The following SLC16A1 variants were observed in gnomAD, a reference collection of about 807,000 sequenced individuals.
SLC16A1 encodes monocarboxylate transporter 1.
A neutral mutation model predicts 32.2 loss-of-function variants in SLC16A1; 11 were observed. The observed-to-expected ratio is 0.34, with a 90% CI of 0.21 to 0.56. The LOEUF is 0.56. SLC16A1 is among the 20% of genes least tolerant of loss of function. The pLI is 0.87. For synonymous variants in SLC16A1, 231 were observed against 226.8 expected (o/e 1.02, Z -0.17); for missense variants, 435 against 615.0 (o/e 0.71, Z 3.10).
chr1:112,944,506 T>C (rs1649626220), intron 1 of SLC16A1, among the ~76,000 whole-genome samples: 1 of 152,150 alleles, frequency 6.6e-6, no homozygotes, highest in Non-Finnish European at 1.5e-5. Flanking sequence ...TACATGTGTG[T>C]TATAGAAAAA....
chr1:112,920,125 T>C (rs769229780), intron 3 of SLC16A1, among the ~76,000 whole-genome samples: 9 of 152,136 alleles, frequency 5.9e-5, no homozygotes, highest in Admixed American at 5.9e-4. Flanking sequence ...TGGGAACAAA[T>C]AGAGTTATAT....
intron 3 of SLC16A1, among the ~76,000 whole-genome samples, 175 bp downstream of exon 3, chr1:112,921,815 C>G (rs1399417049): frequency 1.3e-5 from 2 of 152,146 alleles, no homozygotes; most frequent in Non-Finnish European, 2.9e-5. Context: ...TATATAATGG[C>G]AATTTCTTTA....
intron 1 of SLC16A1, among the ~76,000 whole-genome samples, chr1:112,939,418 T>C (rs1442182467): frequency 6.6e-6 from 1 of 152,190 alleles, no homozygotes; most frequent in Non-Finnish European, 1.5e-5. Flanking sequence ...CTCAAAGAGA[T>C]TACCTGCACA....
chr1:112,924,099 G>A (rs1648846273), intron 2 of SLC16A1: 15 of 1,319,936 alleles, frequency 1.1e-5, no homozygotes, highest in Non-Finnish European at 1.6e-5. Flanking sequence ...GGTAGAGAAG[G>A]CCCTGCAGGC....
At chr1:112,953,593 T>C (rs1301302623) in intron 1 of SLC16A1, among the ~76,000 whole-genome samples, 1 of 152,204 alleles carries the variant, frequency 6.6e-6, no homozygotes, top group Non-Finnish European at 1.5e-5. Context: ...TACAAGGCCC[T>C]CCATTTTCTC....
chr1:112,915,819 A>C (rs1648484322), intron 4 of SLC16A1, among the ~76,000 whole-genome samples: 1 of 152,184 alleles, frequency 6.6e-6, no homozygotes, highest in African/African-American at 2.4e-5. Flanking sequence ...CTTCTGTTAT[A>C]TACTCACTCA....
At chr1:112,938,206 G>A (rs1327649097) in intron 1 of SLC16A1, among the ~76,000 whole-genome samples, 3 of 152,158 alleles carry the variant, frequency 2.0e-5, no homozygotes, top group Non-Finnish European at 4.4e-5. Context: ...AAAATAATCT[G>A]TTAATGAGTG....
chr1:112,928,396 T>C (rs890055569), intron 2 of SLC16A1, among the ~76,000 whole-genome samples: 2 of 152,238 alleles, frequency 1.3e-5, no homozygotes, highest in Admixed American at 6.5e-5. Context: ...TTGACAGATA[T>C]TGGTTGACTC....
chr1:112,934,723 G>C (rs1159407592), intron 1 of SLC16A1, among the ~76,000 whole-genome samples: 1 of 152,134 alleles, frequency 6.6e-6, no homozygotes, highest in Non-Finnish European at 1.5e-5. Flanking sequence ...GGAGACAAGA[G>C]GAGGACAGAA....
chr1:112,924,146 T>C (rs1648848309), intron 2 of SLC16A1: 2 of 1,443,368 alleles, frequency 1.4e-6, no homozygotes, highest in Non-Finnish European at 9.7e-7. Flanking sequence ...TGACCTCGGC[T>C]GCCCTCTGGT....
intron 1 of SLC16A1, among the ~76,000 whole-genome samples, chr1:112,929,919 G>A (rs529929220): frequency 6.6e-6 from 1 of 152,314 alleles, no homozygotes; most frequent in African/African-American, 2.4e-5. Flanking sequence ...TCCATGTGCA[G>A]GGAGGATAGC....
At chr1:112,933,979 T>C (rs1229052717) in intron 1 of SLC16A1, among the ~76,000 whole-genome samples, 1 of 152,052 alleles carries the variant, frequency 6.6e-6, no homozygotes, top group African/African-American at 2.4e-5. Flanking sequence ...TAAACAATGG[T>C]ACAGCCATAT....
In SLC16A1 at chr1:112,913,003, G is replaced by A. The variant is rs1648377447; in HGVS notation, c.*888C>T. The A allele has an allele frequency of 6.6e-6, 1 of 152,126 alleles. No individual in the cohort carries two copies. Among genetic ancestry groups the A allele is most frequent in the South Asian group, 2.1e-4 (1 of 4,826 alleles). 9.4% of individuals were successfully genotyped at this position (152,126 alleles called of 1,614,324 possible). ...AATTCAGCTGATGTTTGAAATATCT[G>A]TCTACATTTAATTAGATGTGTTGTA... On this transcript the variant is annotated 3_prime_UTR_variant, in exon 5 of 5. Coordinates refer to ENST00000369626, the MANE Select transcript of SLC16A1 (RefSeq NM_003051.4).
In SLC16A1 at chr1:112,934,819, A is replaced by G. The variant is rs1649244461; in HGVS notation, c.-44-5467T>C. On this transcript the variant is annotated intron_variant, in intron 1 of 4. Coordinates refer to ENST00000369626, the MANE Select transcript of SLC16A1 (RefSeq NM_003051.4). ...TGTAGAATATCTTTGTTGTTCTTCC[A>G]GAGATACACTATATTTGATTTTGCT... Among the ~76,000 whole-genome samples, 2 of 152,214 alleles carry G rather than the reference A, an allele frequency of 1.3e-5. 1 individual carries two copies. The highest frequency in any genetic ancestry group is 4.1e-4 in the South Asian group (2 of 4,828).
At chr1:112,924,012 C>T (rs981232136) in intron 2 of SLC16A1, 9 of 1,373,998 alleles carry the variant, frequency 6.6e-6, no homozygotes, top group South Asian at 1.2e-5. Context: ...GCCCATGGGC[C>T]GCTTCTTTGG....
chr1:112,924,374 C>A (rs1425193193), intron 2 of SLC16A1: 4 of 1,195,916 alleles, frequency 3.3e-6, no homozygotes, highest in Non-Finnish European at 5.0e-6. Context: ...GCCCAAGGCT[C>A]TTCTGTAACC....
In SLC16A1 at chr1:112,952,666, G is replaced by C. The variant is rs143179273; in HGVS notation, c.-45+3369C>G. Among the ~76,000 whole-genome samples the C allele has an allele frequency of 5.5e-3, 845 of 152,288 alleles. 10 individuals carry two copies. Among genetic ancestry groups the C allele is most frequent in the African/African-American group, 0.019 (796 of 41,558 alleles). ...AATCCAGTAGGGTCTGGGGAAAGTA[G>C]ATAGGGGAAGAGAGAAATCGTGTCG... On this transcript the variant is annotated intron_variant, in intron 1 of 4. Transcript: ENST00000369626.
chr1:112,930,788 G>A (rs919568357), intron 1 of SLC16A1, among the ~76,000 whole-genome samples: 1 of 146,956 alleles, frequency 6.8e-6, no homozygotes, highest in Admixed American at 7.0e-5. Flanking sequence ...GCAATAGCAA[G>A]ATCTTGGCTC....
In SLC16A1 at chr1:112,913,841, C is replaced by T. The variant is rs1420091719; in HGVS notation, c.*50G>A. 6.2e-7 allele frequency: 1 copy of T among 1,609,154 alleles called. No individual in the cohort carries two copies. Among genetic ancestry groups the T allele is most frequent in the Non-Finnish European group, 8.5e-7 (1 of 1,175,668 alleles). On this transcript the variant is annotated 3_prime_UTR_variant, in exon 5 of 5. Transcript: ENST00000369626. ...AGATTACAGGCCAGTAGAATATTTT[C>T]AGATATCCTGGGTCATGAACTGCTC...
Sources: gnomAD v4.1 joint callset for allele counts (sites outside exome capture counted in the v4.1 genomes callset) on GRCh38, gnomAD v4.1.1 for gene constraint, MANE v1.5 for transcripts, NCBI Gene and HGNC (gene_info 2026-07-23, HGNC 2026-07-21) for gene names.